The following NFAT5 variants were observed in gnomAD, a reference collection of about 807,000 sequenced individuals.
NFAT5 encodes the protein nuclear factor of activated T-cells 5.
Under a neutral mutation model 166.5 loss-of-function variants are expected in NFAT5, and 31 were observed. That is an observed-to-expected ratio of 0.19 (90% CI 0.14 to 0.25). The LOEUF (loss-of-function observed/expected upper bound fraction) is 0.25. Among genes scored for constraint, NFAT5 ranks in the 10% least tolerant of loss-of-function variants. The pLI, the probability that NFAT5 is intolerant of heterozygous loss-of-function variation, is 1.00. For missense variants in NFAT5, 1,449 were observed against 1,821.8 expected, an observed-to-expected ratio of 0.80 and a Z score of 3.72; for synonymous variants, 612 against 639.7, an observed-to-expected ratio of 0.96 and a Z score of 0.65.
intron 2 of NFAT5, among the ~76,000 whole-genome samples, chr16:69,620,778 C>T (rs1157809742): frequency 2.0e-5 from 3 of 152,134 alleles, no homozygotes; most frequent in Admixed American, 6.5e-5. Flanking sequence ...TTACATTAAT[C>T]CTTGTTAAGT....
In NFAT5 at chr16:69,698,180, G is replaced by A. The variant is rs1355540378; in HGVS notation, c.*1829G>A. The stretch of plus-strand genomic sequence containing the variant: ...TTGAATTACGTTTTCAGTAGTACAG[G>A]CTTCTTGCCGATATGAAGGGAACTT... On this transcript the variant is annotated 3_prime_UTR_variant, in exon 15 of 15. Coordinates refer to ENST00000349945, the MANE Select transcript of NFAT5 (RefSeq NM_138713.4). The A allele has an allele frequency of 1.3e-5, 2 of 152,074 alleles. No individual in the cohort carries two copies. Among genetic ancestry groups the A allele is most frequent in the African/African-American group, 2.4e-5 (1 of 41,318 alleles). The allele number at this position is 152,074 out of a possible 1,614,324, so 9.4% of individuals were successfully genotyped here. A position where few individuals can be genotyped will look rare whatever the true frequency, so the allele number is the denominator to read the frequency against.
At chr16:69,620,793 TCTC>T (rs2034162931) in intron 2 of NFAT5, among the ~76,000 whole-genome samples, 2 of 152,214 alleles carry the variant, frequency 1.3e-5, no homozygotes. Context: ...TTAAGTTTCA[TCTC>T]CTTCCTTTGG....
rs1488062932 is a variant in NFAT5 at position 69,647,433 on chromosome 16, G to A, written c.659G>A (p.Arg220Gln). The A allele has an allele frequency of 3.1e-6, 5 of 1,614,084 alleles. No homozygotes were observed. The highest frequency in any genetic ancestry group is 1.6e-4 in the Middle Eastern group (1 of 6,062). The change falls in exon 4 of 15, where the codon CGA becomes CAA. Residue 220 changes from arginine (R) to glutamine (Q), a missense_variant. By Grantham distance (43) the Arg-to-Gln change is conservative. This residue lies in a region of NFAT5 where 115 missense variants were observed against 177.1 expected (regional missense o/e 0.65). Transcript: ENST00000349945. The surrounding 1 kb of genome is among the most constrained non-coding windows in gnomAD (Gnocchi z 4.8). ...AACACTGAGGTACCTCGTAAATCAC[G>A]AAAACGAAATCCAAAGCAGAGGCCG... ...NDNTEVPRKS[R>Q]KRNPKQRPGV...
chr16:69,661,242 CT>C (rs2036121130), intron 7 of NFAT5, among the ~76,000 whole-genome samples: 1 of 151,528 alleles, frequency 6.6e-6, no homozygotes, highest in African/African-American at 2.4e-5. Context: ...TACTAACCAA[CT>C]TTGTTTTCAC....
intron 2 of NFAT5, among the ~76,000 whole-genome samples, chr16:69,584,080 G>T (rs1041936340): frequency 3.3e-5 from 5 of 151,878 alleles, no homozygotes; most frequent in Non-Finnish European, 7.4e-5. Flanking sequence ...CAAAAAATTA[G>T]CTGGGCATGG....
At position 69,647,935 on chromosome 16, in the gene NFAT5, G is replaced by T. The variant is rs2035508588; in HGVS notation, c.812+349G>T. 6.6e-6 allele frequency among the ~76,000 whole-genome samples: 1 copy of T among 152,032 alleles called. No homozygotes were observed. The highest frequency in any genetic ancestry group is 2.4e-5 in the African/African-American group (1 of 41,400). ...ACCTGTAATCCCAGCACTTTGGGAG[G>T]CCGAGGCGGGCGGATCACCTGAGGT... On this transcript the variant is annotated intron_variant, in intron 4 of 14. Coordinates refer to ENST00000349945, the MANE Select transcript of NFAT5 (RefSeq NM_138713.4). This position sits in a 1 kb window ranked among gnomAD's most constrained non-coding sequence, Gnocchi z 4.8.
At chr16:69,589,857 G>A (rs1401518031) in intron 2 of NFAT5, among the ~76,000 whole-genome samples, 3 of 151,654 alleles carry the variant, frequency 2.0e-5, no homozygotes, top group Non-Finnish European at 4.4e-5. Flanking sequence ...GACACCCCAC[G>A]CATCTAAAAA....
chr16:69,648,244 TCAAA>T (rs906192186), intron 4 of NFAT5: 107 of 984,464 alleles, frequency 1.1e-4, no homozygotes, highest in Non-Finnish European at 1.3e-4. Context: ...CCAAAACAAC[TCAAA>T]CAGTCACTAA....
At position 69,693,926 on chromosome 16, in the gene NFAT5, C is replaced by T; in HGVS notation, c.4101C>T (p.Thr1367=). 15 of 1,614,174 alleles carry T rather than the reference C, an allele frequency of 9.3e-6. No individual in the cohort carries two copies. Among genetic ancestry groups the T allele is most frequent in the East Asian group, 4.5e-5 (2 of 44,880 alleles). Residue 1367 remains threonine (T), a synonymous_variant, in exon 13 of 15, where the codon ACC becomes ACT. Coordinates refer to ENST00000349945, the MANE Select transcript of NFAT5 (RefSeq NM_138713.4). The part of the protein sequence containing the change: ...PGPTQSESSQ[T]PLFHSSPQIQ... ...CTACCCAGTCGGAATCATCACAGAC[C>T]CCCTTGTTCCATAGCTCTCCTCAGA...
rs1255138096 is a variant in NFAT5, at chr16:69,699,239, A to C, written c.*2888A>C. 6.5e-6 allele frequency: 1 copy of C among 153,052 alleles called. No individual in the cohort carries two copies. The highest frequency in any genetic ancestry group is 1.5e-5 in the Non-Finnish European group (1 of 68,032). 9.5% of individuals were successfully genotyped at this position (153,052 alleles called of 1,614,324 possible). A position where few individuals can be genotyped will look rare whatever the true frequency, so the allele number is the denominator to read the frequency against. On this transcript the variant is annotated 3_prime_UTR_variant, in exon 15 of 15. Coordinates refer to ENST00000349945, the MANE Select transcript of NFAT5 (RefSeq NM_138713.4). ...GAAGTGGCGACTGGCTTGTGTGCTG[A>C]CTTCTGTGGTTTAGCAAGAGGTTTA...
chr16:69,635,147 A>G (rs2034906184), intron 3 of NFAT5, among the ~76,000 whole-genome samples: 1 of 146,446 alleles, frequency 6.8e-6, no homozygotes, highest in Admixed American at 7.1e-5. Flanking sequence ...AGTAGCTGGG[A>G]TTACAGGCAC....
At chr16:69,632,632 TATATA>T (rs2034770126) in intron 3 of NFAT5, 1 of 152,220 alleles carries the variant, frequency 6.6e-6, no homozygotes, top group African/African-American at 2.4e-5. Flanking sequence ...TATTTACAGT[TATATA>T]ATGAGGATTT....
intron 5 of NFAT5, among the ~76,000 whole-genome samples, chr16:69,653,843 T>C (rs970264374): frequency 6.6e-6 from 1 of 152,098 alleles, no homozygotes; most frequent in African/African-American, 2.4e-5. Context: ...AATATTAAAG[T>C]GAATTCAGAG....
rs1177895504 is a variant in NFAT5 at position 69,596,717 on chromosome 16, TA to T, written c.127+28189del. ...TGGGCGACAGAGCAAGACTCTATCT[TA>T]AAAAAAAAAAAAAAAAAAAGTATTC... On this transcript the variant is annotated intron_variant, in intron 2 of 14. Coordinates refer to ENST00000349945, the MANE Select transcript of NFAT5 (RefSeq NM_138713.4). 8.2e-3 allele frequency among the ~76,000 whole-genome samples: 1,023 copies of T among 125,122 alleles called. 4 individuals carry two copies. The highest frequency in any genetic ancestry group is 0.013 in the African/African-American group (441 of 33,796). 82.1% of individuals were successfully genotyped at this position (125,122 alleles called of 152,430 possible). A position where few individuals can be genotyped will look rare whatever the true frequency, so the allele number is the denominator to read the frequency against.
intron 11 of NFAT5, among the ~76,000 whole-genome samples, chr16:69,687,871 T>C (rs2037373489): frequency 6.6e-6 from 1 of 152,118 alleles, no homozygotes; most frequent in Non-Finnish European, 1.5e-5. Context: ...TCCCAACTAC[T>C]CAGGAGACTG....
intron 2 of NFAT5, among the ~76,000 whole-genome samples, chr16:69,613,932 A>T (rs952318698): frequency 1.3e-5 from 2 of 152,248 alleles, no homozygotes; most frequent in Admixed American, 1.3e-4. Flanking sequence ...GCTGGCATAG[A>T]CAAAAATACT....
intron 4 of NFAT5, chr16:69,648,821 CT>C: frequency 3.2e-6 from 3 of 946,488 alleles, no homozygotes; most frequent in Middle Eastern, 5.4e-4. Flanking sequence ...CATCACTGAT[CT>C]TTTTTTGGTT....
chr16:69,656,362 C>A (rs2035879047), intron 6 of NFAT5, among the ~76,000 whole-genome samples: 1 of 150,194 alleles, frequency 6.7e-6, no homozygotes, highest in African/African-American at 2.4e-5. Flanking sequence ...CAAAGACTTA[C>A]TTTTTTGGGT....
intron 2 of NFAT5, among the ~76,000 whole-genome samples, chr16:69,625,433 G>A (rs1336744711): frequency 6.6e-6 from 1 of 151,834 alleles, no homozygotes; most frequent in Admixed American, 6.6e-5. Context: ...AGGTATTTAT[G>A]CATTATGCAG....
Sources: gnomAD v4.1 joint callset for allele counts (sites outside exome capture counted in the v4.1 genomes callset) on GRCh38, gnomAD v4.1.1 for gene constraint, gnomAD v4.1.1 regional missense constraint, Gnocchi (gnomAD v3.1) non-coding constraint, MANE v1.5 for transcripts, NCBI Gene and HGNC (gene_info 2026-07-23, HGNC 2026-07-21) for gene names.